POLA1: variants seen among roughly 807,000 people sequenced by gnomAD.
POLA1 encodes the protein DNA polymerase alpha catalytic subunit.
POLA1 carries 15 observed loss-of-function variants against 124.0 expected under a neutral mutation model. That is an observed-to-expected ratio of 0.12 (90% CI 0.08 to 0.19). The LOEUF (loss-of-function observed/expected upper bound fraction) is 0.19, where lower values mean the gene tolerates loss of function less well. Among genes scored for constraint, POLA1 ranks in the 10% least tolerant of loss-of-function variants. POLA1 has a pLI of 1.00. For synonymous variants in POLA1, 408 were observed against 389.4 expected (o/e 1.05, Z -0.56); for missense variants, 886 against 1,103.4 (o/e 0.80, Z 2.79).
At chrX:24,819,520 A>G (rs745831451) in intron 30 of POLA1, among the ~76,000 whole-genome samples, 1 of 111,849 alleles carries the variant, frequency 8.9e-6, no homozygotes, top group African/African-American at 3.2e-5. Context: ...TTGCAACTCA[A>G]ACAGTTGCAC....
At chrX:24,846,120 A>T (rs1054186800) in intron 34 of POLA1, among the ~76,000 whole-genome samples, 3 of 112,282 alleles carry the variant, frequency 2.7e-5, no homozygotes, top group Non-Finnish European at 5.6e-5. Context: ...TCTGTCATGA[A>T]TTAACAGGAC....
intron 35 of POLA1, among the ~76,000 whole-genome samples, chrX:24,907,182 C>T (rs1320176321): frequency 9.0e-6 from 1 of 110,759 alleles, no homozygotes; most frequent in African/African-American, 3.3e-5. Context: ...CAGAGCAAGA[C>T]TCTGTCTTAA....
At chrX:24,897,244 G>A (rs1254765107) in intron 35 of POLA1, among the ~76,000 whole-genome samples, 3 of 111,692 alleles carry the variant, frequency 2.7e-5, no homozygotes, top group Non-Finnish European at 5.6e-5. Flanking sequence ...TACAGCATCA[G>A]AAAAGGCCCC....
At chrX:24,896,164 G>T (rs1275819493) in intron 35 of POLA1, among the ~76,000 whole-genome samples, 1 of 111,721 alleles carries the variant, frequency 9.0e-6, no homozygotes, top group Non-Finnish European at 1.9e-5. Flanking sequence ...ATTTTTGGTT[G>T]TCATAACTGG....
intron 36 of POLA1, among the ~76,000 whole-genome samples, chrX:24,973,589 G>T (rs765157479): frequency 2.7e-5 from 3 of 111,377 alleles, no homozygotes; most frequent in African/African-American, 9.8e-5. Flanking sequence ...GGTTACCTGA[G>T]TATACAGCCT....
chrX:24,799,264 G>A (rs762471877), intron 26 of POLA1, among the ~76,000 whole-genome samples: 34 of 111,962 alleles, frequency 3.0e-4, no homozygotes, highest in Non-Finnish European at 7.5e-5. Context: ...CACCACCTTG[G>A]TCACTGTCCA....
chrX:24,698,733 A>G (rs1164819874), intron 1 of POLA1, among the ~76,000 whole-genome samples: 9 of 111,209 alleles, frequency 8.1e-5, no homozygotes, highest in Non-Finnish European at 1.9e-5. Context: ...AGCTCGCTGC[A>G]GCCTCCGCCT....
rs961075277 is a variant in POLA1 at position 24,836,259 on chromosome X, A to G, written c.3737-5393A>G. Among the ~76,000 whole-genome samples, 4 of 112,180 alleles carry G rather than the reference A, an allele frequency of 3.6e-5. No individual in the cohort carries two copies. In the East Asian group the frequency reaches 8.3e-4, roughly 23 times the overall value. On this transcript the variant is annotated intron_variant, in intron 32 of 36. Transcript: ENST00000379068. Reference sequence around the variant, plus strand: ...TCTGAATATACCACACTGTATGGCTATCTACTGGAGGTACACCTATGAGTT... The same window carrying G: ...TCTGAATATACCACACTGTATGGCTGTCTACTGGAGGTACACCTATGAGTT...
At chrX:24,858,175 GCTT>G (rs1480372889) in intron 34 of POLA1, among the ~76,000 whole-genome samples, 2 of 112,066 alleles carry the variant, frequency 1.8e-5, no homozygotes, top group African/African-American at 6.5e-5. Context: ...AATTTACCAT[GCTT>G]CTTAAGTCTT....
intron 36 of POLA1, among the ~76,000 whole-genome samples, chrX:24,931,058 G>T (rs1000755677): frequency 3.6e-5 from 4 of 111,242 alleles, no homozygotes; most frequent in African/African-American, 1.3e-4. Flanking sequence ...CTGTTGCATG[G>T]AACCCTCAGC....
intron 3 of POLA1, 125 bp from the exon 4 acceptor site, chrX:24,704,264 G>A (rs1484762018): frequency 3.9e-6 from 2 of 511,367 alleles, no homozygotes; most frequent in Non-Finnish European, 7.0e-6. Flanking sequence ...GAATTCTGCT[G>A]CACTTAAAAA....
Position 24,838,211 on chromosome X carries a change from C to T in POLA1, c.3737-3441C>T, listed in dbSNP as rs1023002941. Among the ~76,000 whole-genome samples the T allele has an allele frequency of 2.7e-5, 3 of 111,753 alleles. No homozygotes were observed. The Admixed American group carries it at 2.9e-4, about 11-fold the overall frequency. ...TACTTTCTATAAATACTTCTTGAAA[C>T]ATGAGAGTTTTGATCCTGTTGCCAA... On this transcript the variant is annotated intron_variant, in intron 32 of 36. Coordinates refer to ENST00000379068, the MANE Select transcript of POLA1 (RefSeq NM_001330360.2).
intron 10 of POLA1, among the ~76,000 whole-genome samples, chrX:24,719,648 G>A (rs149075385): frequency 3.9e-3 from 436 of 111,308 alleles, no homozygotes; most frequent in Non-Finnish European, 6.2e-3. Context: ...CCCTGGAGCT[G>A]GGCAGCACAC....
At chrX:24,803,861 A>C (rs2045756331) in intron 26 of POLA1, among the ~76,000 whole-genome samples, 1 of 102,202 alleles carries the variant, frequency 9.8e-6, no homozygotes, top group African/African-American at 3.7e-5. Flanking sequence ...AAGGAAACCA[A>C]CTTGGTCCCA....
intron 36 of POLA1, among the ~76,000 whole-genome samples, chrX:24,932,049 C>T (rs1210567408): frequency 8.9e-6 from 1 of 112,108 alleles, no homozygotes; most frequent in Non-Finnish European, 1.9e-5. Context: ...TAGGCATGTG[C>T]CACCACACCT....
intron 36 of POLA1, among the ~76,000 whole-genome samples, chrX:24,976,701 C>T (rs1250334513): frequency 8.9e-6 from 1 of 112,503 alleles, no homozygotes; most frequent in East Asian, 2.8e-4. Flanking sequence ...TAAACATGCA[C>T]ATAATTTGAA....
At chrX:24,970,508 A>G (rs1376739258) in intron 36 of POLA1, among the ~76,000 whole-genome samples, 1 of 111,963 alleles carries the variant, frequency 8.9e-6, no homozygotes, top group Non-Finnish European at 1.9e-5. Context: ...CTATCATCAG[A>G]GTGAACAGAC....
At chrX:24,758,580 C>A (rs770021697) in intron 26 of POLA1, among the ~76,000 whole-genome samples, 6 of 112,604 alleles carry the variant, frequency 5.3e-5, no homozygotes, top group African/African-American at 1.9e-4. Context: ...TCAAATCTTG[C>A]CTGGGGTCTG....
chrX:24,891,700 A>G (rs900331638), intron 35 of POLA1, among the ~76,000 whole-genome samples: 19 of 111,985 alleles, frequency 1.7e-4, no homozygotes, highest in African/African-American at 3.2e-5. Flanking sequence ...AACAACTGCA[A>G]CTACATCCTA....
Sources: gnomAD v4.1 joint callset for allele counts (sites outside exome capture counted in the v4.1 genomes callset) on GRCh38, gnomAD v4.1.1 for gene constraint, MANE v1.5 for transcripts, NCBI Gene and HGNC (gene_info 2026-07-23, HGNC 2026-07-21) for gene names.